PBRM1: variants seen among roughly 807,000 people sequenced by gnomAD.
PBRM1 encodes the protein protein polybromo-1.
A neutral mutation model predicts 194.5 loss-of-function variants in PBRM1; 27 were observed. The observed-to-expected ratio is 0.14, with a 90% confidence interval of 0.10 to 0.19. The LOEUF (loss-of-function observed/expected upper bound fraction) is 0.19. PBRM1 is among the 10% of genes least tolerant of loss of function. The probability of loss-of-function intolerance (pLI) is 1.00; values close to 1 mark genes in which losing one functional copy is unlikely to be tolerated. For missense variants in PBRM1, 1,466 were observed against 2,077.2 expected, an observed-to-expected ratio of 0.71 and a Z score of 5.72; for synonymous variants, 655 against 693.2, an observed-to-expected ratio of 0.94 and a Z score of 0.87.
chr3:52,611,665 C>G (rs772842098), intron 15 of PBRM1, among the ~76,000 whole-genome samples: 2 of 151,800 alleles, frequency 1.3e-5, no homozygotes, highest in Non-Finnish European at 2.9e-5. Flanking sequence ...ATGAGCTGGA[C>G]GTGGTGGCGT....
intron 2 of PBRM1, among the ~76,000 whole-genome samples, chr3:52,677,117 G>A (rs953014785): frequency 6.6e-6 from 1 of 152,108 alleles, no homozygotes; most frequent in Non-Finnish European, 1.5e-5. Context: ...AAAAACATAG[G>A]GGAAAAGCTT....
chr3:52,668,574 A>G, exon 3 of PBRM1: 1 of 1,607,074 alleles, frequency 6.2e-7, no homozygotes, highest in Non-Finnish European at 8.5e-7. Context: ...ATACTCTTCC[A>G]TTTTTAGTTT....
intron 16 of PBRM1, 59 bp from the exon 19 acceptor site, chr3:52,603,791 T>TTA (rs1240699897): frequency 7.0e-7 from 1 of 1,420,330 alleles, no homozygotes; most frequent in Non-Finnish European, 9.6e-7. Flanking sequence ...AACACCTCAA[T>TTA]TATATGTTAA....
At chr3:52,668,319 G>A (rs781605271) in intron 3 of PBRM1, among the ~76,000 whole-genome samples, 179 bp downstream of exon 4, 6 of 152,034 alleles carry the variant, frequency 3.9e-5, no homozygotes, top group Admixed American at 6.6e-5. Flanking sequence ...ATTAAAATAC[G>A]TAAATAAATA....
At chr3:52,628,669 G>A (rs959833943) in intron 12 of PBRM1, among the ~76,000 whole-genome samples, 34 of 151,480 alleles carry the variant, frequency 2.2e-4, no homozygotes, top group African/African-American at 5.3e-4. Context: ...TGGGGGTCTC[G>A]CTATGTTGCC....
chr3:52,597,714 C>G (rs1274515707), intron 17 of PBRM1, among the ~76,000 whole-genome samples: 1 of 149,296 alleles, frequency 6.7e-6, no homozygotes, highest in Non-Finnish European at 1.5e-5. Context: ...GCCTGTAGTT[C>G]CAGCTACTCG....
intron 10 of PBRM1, among the ~76,000 whole-genome samples, chr3:52,635,924 C>T (rs2095791661): frequency 1.3e-5 from 2 of 152,060 alleles, no homozygotes; most frequent in South Asian, 4.1e-4. Flanking sequence ...AGTGCAGTGG[C>T]GTGATCCTGG....
At chr3:52,554,938 A>T in intron 26 of PBRM1, 59 bp from the exon 29 acceptor site, 1 of 1,443,054 alleles carries the variant, frequency 6.9e-7, no homozygotes, top group Non-Finnish European at 9.7e-7. Flanking sequence ...GAGCTAAGTA[A>T]TAACAACCAA....
At chr3:52,652,964 C>T (rs979138870) in intron 5 of PBRM1, among the ~76,000 whole-genome samples, 3 of 152,118 alleles carry the variant, frequency 2.0e-5, no homozygotes, top group African/African-American at 4.8e-5. Context: ...CGCCATTGTA[C>T]TCCAGCCTGT....
At chr3:52,573,032 T>C (rs779139772) in intron 22 of PBRM1, among the ~76,000 whole-genome samples, 2 of 152,236 alleles carry the variant, frequency 1.3e-5, no homozygotes, top group Non-Finnish European at 2.9e-5. Flanking sequence ...AAGTTACTTA[T>C]ATTTCATTAT....
chr3:52,651,225 G>T (rs2096483863), intron 6 of PBRM1, among the ~76,000 whole-genome samples: 3 of 152,226 alleles, frequency 2.0e-5, no homozygotes, highest in South Asian at 2.1e-4. Context: ...TTACTGCCAG[G>T]GATACAGTGA....
At chr3:52,547,147 T>C (rs564117455), downstream of PBRM1, 5 of 233,014 alleles carry the variant, frequency 2.1e-5, no homozygotes, top group South Asian at 9.1e-4. Flanking sequence ...AACTTCAATG[T>C]TTTTCAATGT....
chr3:52,671,635 G>A (rs960195851), intron 2 of PBRM1, among the ~76,000 whole-genome samples: 2 of 152,264 alleles, frequency 1.3e-5, no homozygotes, highest in South Asian at 2.1e-4. Flanking sequence ...GAAAATGCTT[G>A]GTATTGTGTC....
At chr3:52,676,284 C>T (rs1454274673) in intron 2 of PBRM1, among the ~76,000 whole-genome samples, 1 of 152,178 alleles carries the variant, frequency 6.6e-6, no homozygotes, top group African/African-American at 2.4e-5. Context: ...TATCCCCATT[C>T]AAATCTCAGC....
chr3:52,577,773 T>C (rs2090067507), intron 21 of PBRM1, among the ~76,000 whole-genome samples: 1 of 152,204 alleles, frequency 6.6e-6, no homozygotes. Flanking sequence ...TGCAACAGCA[T>C]CCTAGGCGGT....
intron 14 of PBRM1, 68 bp from the exon 17 acceptor site, chr3:52,615,524 AAAG>A (rs2153472726): frequency 1.0e-6 from 1 of 993,306 alleles, no homozygotes; most frequent in Non-Finnish European, 1.6e-6. Flanking sequence ...ATGCATCCAT[AAAG>A]AAGTTTTAAA....
chr3:52,596,476 A>AAAAAG, intron 17 of PBRM1, among the ~76,000 whole-genome samples: 1 of 133,026 alleles, frequency 7.5e-6, no homozygotes, highest in African/African-American at 2.8e-5. Context: ...AAAAAAAAAA[A>AAAAAG]AAAAGAAATG....
chr3:52,681,283 A>AT (rs1292206309), upstream of PBRM1: 1 of 152,042 alleles, frequency 6.6e-6, no homozygotes, highest in Admixed American at 6.5e-5. Context: ...CTGGTGAGCA[A>AT]TTAAGGAAAA....
intron 10 of PBRM1, among the ~76,000 whole-genome samples, chr3:52,638,358 ATTC>A (rs2095909462): frequency 6.7e-6 from 1 of 148,694 alleles, no homozygotes; most frequent in South Asian, 2.1e-4. Context: ...ATTTCATTTT[ATTC>A]TTTTTTTTTT....
Sources: allele counts gnomAD v4.1 joint callset (sites outside exome capture counted in the v4.1 genomes callset), GRCh38; gene constraint gnomAD v4.1.1; transcripts MANE v1.5; gene names NCBI Gene and HGNC (gene_info 2026-07-23, HGNC 2026-07-21).